Variants in TAFA5 observed in about 807,000 individuals in gnomAD.
The protein encoded by TAFA5 is chemokine-like protein TAFA-5.
A neutral mutation model predicts 15.3 loss-of-function variants in TAFA5; 6 were observed. The ratio of observed to expected loss-of-function variants is 0.39; its 90% CI spans 0.21 to 0.77. The LOEUF is 0.77. Ranked by LOEUF, TAFA5 falls within the 30% of genes least tolerant of loss-of-function variation. The pLI is 0.41. For missense variants in TAFA5, 161 were observed against 193.1 expected (o/e 0.83, Z 0.98); for synonymous variants, 103 against 80.7 (o/e 1.28, Z -1.48).
intron 3 of TAFA5, among the ~76,000 whole-genome samples, chr22:48,720,181 C>A (rs909223512): frequency 1.3e-5 from 2 of 152,082 alleles, no homozygotes; most frequent in African/African-American, 4.8e-5. Flanking sequence ...TTCCTGGTGC[C>A]CCCTACTGGT....
intron 2 of TAFA5, among the ~76,000 whole-genome samples, chr22:48,652,122 G>A (rs561972310): frequency 1.3e-5 from 2 of 152,338 alleles, no homozygotes; most frequent in African/African-American, 4.8e-5. Context: ...TCTCCACCTC[G>A]AGGCGCCAAC....
intron 1 of TAFA5, among the ~76,000 whole-genome samples, chr22:48,627,526 C>G (rs1013415621): frequency 2.6e-5 from 4 of 152,266 alleles, no homozygotes; most frequent in African/African-American, 9.6e-5. Context: ...CCCTGCCCCC[C>G]CAGGTAGTTC....
chr22:48,559,792 C>G (rs1274496628), intron 1 of TAFA5, among the ~76,000 whole-genome samples: 1 of 152,094 alleles, frequency 6.6e-6, no homozygotes, highest in East Asian at 1.9e-4. Context: ...GGGGACAAAC[C>G]CAGAGGCGGA....
rs116034129 is a variant in TAFA5 at position 48,655,636 on chromosome 22, G to A, written c.262+8890G>A. ...CATCTCCCAACACTGCTGCATTGGGGGTTAAGTTTCCAACACGTGAATTTA... is the reference window on the plus strand; with the variant it reads ...CATCTCCCAACACTGCTGCATTGGGAGTTAAGTTTCCAACACGTGAATTTA... On this transcript the variant is annotated intron_variant, in intron 2 of 3. Coordinates refer to ENST00000402357, the MANE Select transcript of TAFA5 (RefSeq NM_001082967.3). 3.6e-3 allele frequency among the ~76,000 whole-genome samples: 541 copies of A among 152,156 alleles called. 3 individuals carry two copies. The highest frequency in any genetic ancestry group is 0.013 in the African/African-American group (519 of 41,478).
chr22:48,599,190 C>T (rs940083956), intron 1 of TAFA5, among the ~76,000 whole-genome samples: 22 of 152,210 alleles, frequency 1.4e-4, no homozygotes, highest in African/African-American at 4.3e-4. Flanking sequence ...AACTCAATCT[C>T]CAGCCCCTTT....
chr22:48,507,236 T>TGGCCG (rs1272712424), intron 1 of TAFA5, among the ~76,000 whole-genome samples: 105 of 108,994 alleles, frequency 9.6e-4, no homozygotes, highest in South Asian at 1.2e-3. Flanking sequence ...AAGGAGACAG[T>TGGCCG]CATCAAGGGC....
intron 1 of TAFA5, among the ~76,000 whole-genome samples, chr22:48,531,674 C>T (rs1921978345): frequency 7.6e-6 from 1 of 131,474 alleles, no homozygotes; most frequent in Non-Finnish European, 1.5e-5. Flanking sequence ...CCAGCGCGCC[C>T]TCCTGCTGAG....
At chr22:48,521,265 A>C (rs1921591455) in intron 1 of TAFA5, among the ~76,000 whole-genome samples, 1 of 151,818 alleles carries the variant, frequency 6.6e-6, no homozygotes, top group Non-Finnish European at 1.5e-5. Flanking sequence ...CATTCCAGGA[A>C]CCCCTCTTCC....
At chr22:48,512,194 G>C (rs1427750652) in intron 1 of TAFA5, among the ~76,000 whole-genome samples, 1 of 152,244 alleles carries the variant, frequency 6.6e-6, no homozygotes, top group Non-Finnish European at 1.5e-5. Context: ...GGTGGGAGGA[G>C]GTGGAGGAGA....
chr22:48,502,860 G>A (rs1442926186), intron 1 of TAFA5, among the ~76,000 whole-genome samples: 3 of 152,202 alleles, frequency 2.0e-5, no homozygotes, highest in African/African-American at 7.2e-5. Flanking sequence ...CACTTTTGCT[G>A]TGCTTTCAAA....
chr22:48,627,177 A>G (rs1187523086), intron 1 of TAFA5, among the ~76,000 whole-genome samples: 1 of 152,216 alleles, frequency 6.6e-6, no homozygotes, highest in Non-Finnish European at 1.5e-5. Flanking sequence ...GTTAAGCAGA[A>G]GAAACCTGAT....
At chr22:48,585,864 A>G (rs929492440) in intron 1 of TAFA5, among the ~76,000 whole-genome samples, 1 of 151,770 alleles carries the variant, frequency 6.6e-6, no homozygotes, top group Non-Finnish European at 1.5e-5. Flanking sequence ...CACACACACA[A>G]ACATACACCA....
At chr22:48,644,378 C>G (rs1013006889) in intron 1 of TAFA5, among the ~76,000 whole-genome samples, 1 of 152,250 alleles carries the variant, frequency 6.6e-6, no homozygotes, top group Admixed American at 6.5e-5. Context: ...CATGACTCAG[C>G]AGGCCCTTAT....
chr22:48,707,898 C>T (rs988450192), intron 3 of TAFA5, 54 bp downstream of exon 3: 36 of 1,575,284 alleles, frequency 2.3e-5, no homozygotes, highest in African/African-American at 4.0e-5. Context: ...TATGTGTGTG[C>T]GGGCCTCCGA....
intron 1 of TAFA5, among the ~76,000 whole-genome samples, chr22:48,631,314 C>T (rs1396698132): frequency 1.3e-5 from 2 of 152,196 alleles, no homozygotes; most frequent in East Asian, 3.9e-4. Flanking sequence ...TGGGCAGCCC[C>T]ACCCAGCCAC....
At chr22:48,676,239 G>A (rs1431269829) in intron 2 of TAFA5, among the ~76,000 whole-genome samples, 1 of 152,250 alleles carries the variant, frequency 6.6e-6, no homozygotes, top group African/African-American at 2.4e-5. Context: ...GTCTTGGCCT[G>A]TCCCTCCCAC....
intron 1 of TAFA5, among the ~76,000 whole-genome samples, chr22:48,528,640 G>T (rs1229080265): frequency 1.3e-5 from 2 of 152,214 alleles, no homozygotes; most frequent in Non-Finnish European, 2.9e-5. Context: ...GGGAGTTTGT[G>T]TAATTAACCA....
At chr22:48,557,670 C>T (rs756953187) in intron 1 of TAFA5, among the ~76,000 whole-genome samples, 20 of 152,204 alleles carry the variant, frequency 1.3e-4, no homozygotes, top group Non-Finnish European at 2.4e-4. Context: ...GGCCACTGAG[C>T]GCCACGGCCA....
rs115698839 is a variant in TAFA5 at position 48,680,650 on chromosome 22, T to A, written c.263-27067T>A. ...ACCACGACTGGGCACTGACAGCCAG[T>A]GTGCCAGGCCCCTTGTGCATGCCAG... On this transcript the variant is annotated intron_variant, in intron 2 of 3. Coordinates refer to ENST00000402357, the MANE Select transcript of TAFA5 (RefSeq NM_001082967.3). Among the ~76,000 whole-genome samples the A allele has an allele frequency of 8.1e-3, 1,234 of 152,320 alleles. 28 individuals are homozygous for A. The highest frequency in any genetic ancestry group is 0.028 in the African/African-American group (1,156 of 41,580).
Sources: gnomAD v4.1 joint callset for allele counts (sites outside exome capture counted in the v4.1 genomes callset) on GRCh38, gnomAD v4.1.1 for gene constraint, MANE v1.5 for transcripts, NCBI Gene and HGNC (gene_info 2026-07-23, HGNC 2026-07-21) for gene names.